The following COL18A1 variants were observed in gnomAD, a reference collection of about 807,000 sequenced individuals.
The protein encoded by COL18A1 is collagen alpha-1(XVIII) chain.
A neutral mutation model predicts 168.0 loss-of-function variants in COL18A1; 133 were observed. The ratio of observed to expected loss-of-function variants is 0.79; its 90% CI spans 0.69 to 0.91. The LOEUF is 0.91. COL18A1 is among the 40% of genes least tolerant of loss of function. The pLI, the probability that COL18A1 is intolerant of heterozygous loss-of-function variation, is 0.00. For synonymous variants in COL18A1, 949 were observed against 809.0 expected (o/e 1.17, Z -2.94); for missense variants, 2,126 against 1,925.4 (o/e 1.10, Z -1.95).
Position 45,505,352 on chromosome 21 carries a change from C to T in COL18A1, c.3014-6C>T. 1 of 1,594,492 alleles carries T rather than the reference C, an allele frequency of 6.3e-7. No individual in the cohort carries two copies. Among genetic ancestry groups the T allele is most frequent in the South Asian group, 1.1e-5 (1 of 90,482 alleles). ...TCGTGTTCCCACCTTGGTTTCTCTC[C>T]TGCAGCTATCAGCGTTCCCGGCCCT... On this transcript the variant is annotated splice_region_variant and splice_polypyrimidine_tract_variant and intron_variant, in intron 35 of 41. Transcript: ENST00000651438.
chr21:45,492,931 C>T (rs1717536658), intron 24 of COL18A1, among the ~76,000 whole-genome samples: 1 of 152,238 alleles, frequency 6.6e-6, no homozygotes, highest in Admixed American at 6.5e-5. Flanking sequence ...CAGCTCCTTG[C>T]ACCTGCAGAG....
Position 45,419,414 on chromosome 21 carries a change from C to T in COL18A1, c.106+13941C>T, listed in dbSNP as rs148383717. On this transcript the variant is annotated intron_variant, in intron 2 of 41. Transcript: ENST00000651438. ...TGACACTTAATGTCATGTAGTGACACGCTCGCAGGATCGCCAAGGCCAGGC... is the reference window on the plus strand; with the variant it reads ...TGACACTTAATGTCATGTAGTGACATGCTCGCAGGATCGCCAAGGCCAGGC... 1.6e-4 allele frequency among the ~76,000 whole-genome samples: 25 copies of T among 152,348 alleles called. No individual in the cohort carries two copies. In the South Asian group the frequency reaches 3.5e-3, roughly 21 times the overall value.
chr21:45,421,459 G>A (rs140917271), intron 2 of COL18A1: 57 of 534,616 alleles, frequency 1.1e-4, no homozygotes, highest in African/African-American at 5.6e-4. Context: ...CAGCCCTGGC[G>A]TCTCAGGAGC....
intron 2 of COL18A1, among the ~76,000 whole-genome samples, chr21:45,460,033 G>A (rs2034989297): frequency 6.6e-6 from 1 of 152,168 alleles, no homozygotes; most frequent in African/African-American, 2.4e-5. Flanking sequence ...TCTGACCTGG[G>A]AGCTGCGTAT....
chr21:45,475,402 C>T, intron 4 of COL18A1, 74 bp from the exon 5 acceptor site: 1 of 1,384,264 alleles, frequency 7.2e-7, no homozygotes, highest in East Asian at 2.5e-5. Flanking sequence ...GCGTCCTTTG[C>T]TTCCCAGGCC....
chr21:45,496,282 T>G, intron 29 of COL18A1: 1 of 710,428 alleles, frequency 1.4e-6, no homozygotes, highest in South Asian at 1.5e-5. Flanking sequence ...CCGAGGGACG[T>G]CTGTGCACGA....
chr21:45,433,254 C>T (rs1325941974), intron 2 of COL18A1, among the ~76,000 whole-genome samples: 1 of 152,192 alleles, frequency 6.6e-6, no homozygotes, highest in African/African-American at 2.4e-5. Context: ...ACATTTAGTT[C>T]AATCTTTCCA....
At chr21:45,405,806 C>T (rs1569270699) in intron 2 of COL18A1, among the ~76,000 whole-genome samples, 2 of 151,436 alleles carry the variant, frequency 1.3e-5, no homozygotes, top group Non-Finnish European at 3.0e-5. Flanking sequence ...GAGACGCGGC[C>T]TCTGTCGCCG....
chr21:45,504,286 T>G lies in COL18A1; in HGVS notation c.2728-130T>G, dbSNP rs1267535153. 6.1e-6 allele frequency: 6 copies of G among 987,772 alleles called. No individual in the cohort carries two copies. In the East Asian group the frequency reaches 1.3e-4, roughly 21 times the overall value. 61.2% of individuals were successfully genotyped at this position (987,772 alleles called of 1,614,324 possible). ...AGGTGGGGAGTCGAGCCCTATTCTA[T>G]GCAGCCAGCAGCTCCCAGGCCTGGG... On this transcript the variant is annotated intron_variant, in intron 33 of 41. Coordinates refer to ENST00000651438, the MANE Select transcript of COL18A1 (RefSeq NM_001379500.1).
At chr21:45,440,954 C>T (rs1365549916) in intron 2 of COL18A1, among the ~76,000 whole-genome samples, 1 of 152,180 alleles carries the variant, frequency 6.6e-6, no homozygotes, top group Non-Finnish European at 1.5e-5. Flanking sequence ...TGCGTGGGAA[C>T]CACGGGACGC....
At chr21:45,445,535 G>T (rs1451751380) in intron 2 of COL18A1, among the ~76,000 whole-genome samples, 2 of 152,218 alleles carry the variant, frequency 1.3e-5, no homozygotes, top group Non-Finnish European at 2.9e-5. Flanking sequence ...CCGCCAGCCT[G>T]CTTTCCCAAG....
chr21:45,453,928 G>A (rs2034715421), intron 2 of COL18A1, among the ~76,000 whole-genome samples: 1 of 152,228 alleles, frequency 6.6e-6, no homozygotes, highest in South Asian at 2.1e-4. Flanking sequence ...GAGCCTTCGG[G>A]ATGGGGCTGG....
chr21:45,511,083 A>ACC, intron 40 of COL18A1, 28 bp from the exon 41 acceptor site: 5 of 1,054,300 alleles, frequency 4.7e-6, no homozygotes, highest in African/African-American at 5.8e-5. Context: ...CACACACCAC[A>ACC]CACACATACA....
chr21:45,505,222 CTCCCGG>C lies in COL18A1; in HGVS notation c.2958_2963del (p.Gly988_Pro989del). 2 of 1,601,150 alleles carry C rather than the reference CTCCCGG, an allele frequency of 1.2e-6. No homozygotes were observed. The highest frequency in any genetic ancestry group is 1.7e-6 in the Non-Finnish European group (2 of 1,173,428). ...ATCGGCTACGAGGGGCGCCAGGGCC[CTCCCGG>C]CCCCCCAGGCCCCCCAGGGCCCCCT... On this transcript the variant is annotated inframe_deletion, in exon 35 of 42. Transcript: ENST00000651438.
chr21:45,505,331 G>C (rs371003719), intron 35 of COL18A1, 27 bp from the exon 36 acceptor site: 1 of 1,596,708 alleles, frequency 6.3e-7, no homozygotes, highest in Admixed American at 1.7e-5. Context: ...GTGGCTTCGT[G>C]TTCCCACCTT....
Position 45,471,823 on chromosome 21 carries a change from C to T in COL18A1, c.652-2072C>T, listed in dbSNP as rs1323347443. On this transcript the variant is annotated intron_variant, in intron 3 of 41. Transcript: ENST00000651438. The surrounding 1 kb of genome is among the most constrained non-coding windows in gnomAD (Gnocchi z 4.4). ...GGAAGCATTTTACATGCTCTTCCCT[C>T]ACAGAATTCCTGTGAGCTCTGTTTC... Among the ~76,000 whole-genome samples, 2 of 152,184 alleles carry T rather than the reference C, an allele frequency of 1.3e-5. No homozygotes were observed. The highest frequency in any genetic ancestry group is 3.8e-4 in the East Asian group (2 of 5,202).
intron 6 of COL18A1, among the ~76,000 whole-genome samples, chr21:45,476,921 T>TTTTGTGTG (rs1483564460): frequency 5.4e-5 from 8 of 146,860 alleles, no homozygotes; most frequent in Admixed American, 1.4e-4. Flanking sequence ...ATTATGTGTT[T>TTTTGTGTG]TGTGTGTGTG....
At chr21:45,474,051 C>T (rs2035543251) in intron 4 of COL18A1, 70 bp downstream of exon 4, 1 of 1,273,720 alleles carries the variant, frequency 7.9e-7, no homozygotes, top group Admixed American at 2.0e-5. Flanking sequence ...GGGCCAAGGT[C>T]TATGACAGGA....
At chr21:45,435,009 G>C (rs2034061701) in intron 2 of COL18A1, among the ~76,000 whole-genome samples, 1 of 152,078 alleles carries the variant, frequency 6.6e-6, no homozygotes, top group Non-Finnish European at 1.5e-5. Flanking sequence ...ATGGTTTCCT[G>C]AGGGACGTGC....
Sources: allele counts gnomAD v4.1 joint callset (sites outside exome capture counted in the v4.1 genomes callset), GRCh38; gene constraint gnomAD v4.1.1; non-coding constraint Gnocchi (gnomAD v3.1); transcripts MANE v1.5; gene names NCBI Gene and HGNC (gene_info 2026-07-23, HGNC 2026-07-21).